The following MTMR6 variants were observed in gnomAD, a reference collection of about 807,000 sequenced individuals.
The protein encoded by MTMR6 is phosphatidylinositol-3,5-bisphosphate 3-phosphatase MTMR6.
In MTMR6, 47 loss-of-function variants were observed where a neutral mutation model predicts 80.1. The observed-to-expected ratio is 0.59, with a 90% CI of 0.46 to 0.75. MTMR6 has a LOEUF of 0.75. Ranked by LOEUF, MTMR6 falls within the 30% of genes least tolerant of loss-of-function variation. The pLI, the probability that MTMR6 is intolerant of heterozygous loss-of-function variation, is 0.00. For synonymous variants in MTMR6, 254 were observed against 253.0 expected (o/e 1.00, Z -0.04); for missense variants, 629 against 730.9 (o/e 0.86, Z 1.61).
chr13:25,279,908 C>T (rs1384701807), intron 1 of MTMR6, among the ~76,000 whole-genome samples: 1 of 152,052 alleles, frequency 6.6e-6, no homozygotes, highest in African/African-American at 2.4e-5. Flanking sequence ...GGTTTTTAAG[C>T]ACAGTAGTCC....
rs915487766 is a variant in MTMR6, at chr13:25,247,211, GA to G, written c.*2020del. On this transcript the variant is annotated 3_prime_UTR_variant, in exon 14 of 14. Coordinates refer to ENST00000381801, the MANE Select transcript of MTMR6 (RefSeq NM_004685.5). ...GCAAGTCTACTTGCCTAGGTGAGAAGAAAAAAAAAACAACTACAACTTGATT... is the reference window on the plus strand; with the variant it reads ...GCAAGTCTACTTGCCTAGGTGAGAAGAAAAAAAAACAACTACAACTTGATT... The G allele has an allele frequency of 6.3e-5, 9 of 143,922 alleles. No homozygotes were observed. The East Asian group carries it at 1.0e-3, about 16-fold the overall frequency. 8.9% of individuals were successfully genotyped at this position (143,922 alleles called of 1,614,324 possible).
intron 6 of MTMR6, among the ~76,000 whole-genome samples, chr13:25,261,177 T>A (rs1957327760): frequency 6.6e-6 from 1 of 151,020 alleles, no homozygotes; most frequent in Non-Finnish European, 1.5e-5. Context: ...GGCATGGTGG[T>A]ACGTGCCTGT....
At chr13:25,258,486 A>G in intron 7 of MTMR6, 74 bp downstream of exon 7, 1 of 1,329,304 alleles carries the variant, frequency 7.5e-7, no homozygotes, top group Non-Finnish European at 1.0e-6. Flanking sequence ...ACCACTGGAA[A>G]ATTCTAAATT....
chr13:25,273,369 CATGTAT>C (rs1374390885), intron 2 of MTMR6, among the ~76,000 whole-genome samples: 3 of 151,962 alleles, frequency 2.0e-5, no homozygotes, highest in African/African-American at 7.3e-5. Context: ...ATGTTGTTTA[CATGTAT>C]ATGTACATTG....
At chr13:25,281,990 A>G (rs1245587926) in intron 1 of MTMR6, among the ~76,000 whole-genome samples, 3 of 152,174 alleles carry the variant, frequency 2.0e-5, no homozygotes, top group Non-Finnish European at 4.4e-5. Context: ...CAAAAAAAGC[A>G]AAGATTTTAC....
chr13:25,285,911 G>A (rs1254703312), intron 1 of MTMR6, among the ~76,000 whole-genome samples: 1 of 152,146 alleles, frequency 6.6e-6, no homozygotes, highest in Non-Finnish European at 1.5e-5. Context: ...TGATGCAGAA[G>A]GAAGTCACGT....
intron 1 of MTMR6, among the ~76,000 whole-genome samples, chr13:25,278,627 C>T (rs530504662): frequency 4.2e-5 from 6 of 142,762 alleles, no homozygotes; most frequent in African/African-American, 1.3e-4. Flanking sequence ...GCAGGAGAAT[C>T]GCTTGAACCC....
intron 9 of MTMR6, among the ~76,000 whole-genome samples, chr13:25,256,876 T>C (rs1957218993): frequency 6.6e-6 from 1 of 152,190 alleles, no homozygotes; most frequent in South Asian, 2.1e-4. Flanking sequence ...CATTGCAACA[T>C]TTTAGGAAAA....
intron 6 of MTMR6, among the ~76,000 whole-genome samples, chr13:25,260,108 C>CCACCT (rs1449750573): frequency 6.6e-6 from 1 of 152,048 alleles, no homozygotes; most frequent in Non-Finnish European, 1.5e-5. Flanking sequence ...GGTGATCTAC[C>CCACCT]CACCTTAGCC....
intron 1 of MTMR6, among the ~76,000 whole-genome samples, chr13:25,283,055 C>T (rs989795918): frequency 1.3e-5 from 2 of 152,106 alleles, no homozygotes; most frequent in Non-Finnish European, 2.9e-5. Context: ...CCTTTTCCCT[C>T]ACACTAGATC....
In MTMR6 at chr13:25,261,790, G is replaced by C; in HGVS notation, c.604C>G (p.Arg202Gly). 1.2e-6 allele frequency: 2 copies of C among 1,610,806 alleles called. No individual in the cohort carries two copies. The highest frequency in any genetic ancestry group is 1.7e-6 in the Non-Finnish European group (2 of 1,178,216). ...AATCCAGAGAGTGGCTGACTACATC[G>C]ACAAATGGCAGCCTATTTTTTAAAG... Reference protein sequence around the residue: ...YHQDKEAAICRCSQPLSGFSA... With the variant: ...YHQDKEAAICGCSQPLSGFSA... The change falls in exon 6 of 14, where the codon CGA (arginine) becomes GGA (glycine). Residue 202 changes from arginine to glycine, a missense_variant. Physicochemically the swap from Arg to Gly is moderately radical, Grantham distance 125 (BLOSUM62 -2). Coordinates refer to ENST00000381801, the MANE Select transcript of MTMR6 (RefSeq NM_004685.5).
intron 5 of MTMR6, among the ~76,000 whole-genome samples, chr13:25,263,054 C>T (rs546893935): frequency 1.3e-5 from 2 of 151,796 alleles, no homozygotes; most frequent in Admixed American, 6.6e-5. Flanking sequence ...AAGTCAGGTT[C>T]GAATAAAGAA....
intron 11 of MTMR6, among the ~76,000 whole-genome samples, chr13:25,252,356 C>T (rs1957108827): frequency 6.6e-6 from 1 of 152,244 alleles, no homozygotes; most frequent in Non-Finnish European, 1.5e-5. Context: ...CTGGCCTTCT[C>T]TTAACCCCAC....
rs779639288 is a variant in MTMR6, at chr13:25,246,571, A to G, written c.*2661T>C. 3 of 152,586 alleles carry G rather than the reference A, an allele frequency of 2.0e-5. No individual in the cohort carries two copies. Among genetic ancestry groups the G allele is most frequent in the Non-Finnish European group, 4.4e-5 (3 of 68,034 alleles). 9.5% of individuals were successfully genotyped at this position (152,586 alleles called of 1,614,324 possible). ...AAAAGTAATTGCGGTTTTTGTCATC[A>G]CTTTCAATGGCAAAAGCCCCAATTA... On this transcript the variant is annotated 3_prime_UTR_variant, in exon 14 of 14. Transcript: ENST00000381801.
chr13:25,262,539 T>C (rs1039864105), intron 5 of MTMR6, among the ~76,000 whole-genome samples: 3 of 152,134 alleles, frequency 2.0e-5, no homozygotes, highest in African/African-American at 7.2e-5. Flanking sequence ...GACTAATTTT[T>C]GTATTTTTTG....
intron 13 of MTMR6, 73 bp from the exon 14 acceptor site, chr13:25,249,565 T>A (rs781295393): frequency 1.9e-5 from 27 of 1,455,894 alleles, no homozygotes; most frequent in Non-Finnish European, 2.1e-5. Flanking sequence ...AAAGAAAACA[T>A]GCTTTTGCAA....
At chr13:25,287,195 T>C (rs543480617) in intron 1 of MTMR6, 29 bp downstream of exon 1, 7 of 1,589,832 alleles carry the variant, frequency 4.4e-6, no homozygotes, top group Middle Eastern at 1.7e-4. Context: ...GCAGGGCCCC[T>C]GAAGACTGGC....
chr13:25,257,127 A>G, intron 9 of MTMR6, 69 bp downstream of exon 9: 1 of 1,480,510 alleles, frequency 6.8e-7, no homozygotes, highest in Non-Finnish European at 9.2e-7. Flanking sequence ...AACATTGCCA[A>G]ATGTCCTCTG....
rs758304228 is a variant in MTMR6, at chr13:25,274,163, G to T, written c.49C>A (p.Arg17=). The change falls in exon 2 of 14, where the codon CGA becomes AGA. Residue 17 remains arginine (R), a synonymous_variant. Transcript: ENST00000381801. ...TKVEQVKLLD[R]FSTSNKSLTG... ...AATGACTTGTTGCTGGTACTGAATCGGTCAAGTAATTTTACTTGTTCGACC... is the reference window on the plus strand; with the variant it reads ...AATGACTTGTTGCTGGTACTGAATCTGTCAAGTAATTTTACTTGTTCGACC... 17 of 1,607,750 alleles carry T rather than the reference G, an allele frequency of 1.1e-5. No individual in the cohort carries two copies. Among genetic ancestry groups the T allele is most frequent in the Middle Eastern group, 3.3e-4 (2 of 6,038 alleles).
Sources: allele counts gnomAD v4.1 joint callset (sites outside exome capture counted in the v4.1 genomes callset), GRCh38; gene constraint gnomAD v4.1.1; transcripts MANE v1.5; gene names NCBI Gene and HGNC (gene_info 2026-07-23, HGNC 2026-07-21).